The following FARP2 variants were observed in gnomAD, a reference collection of about 807,000 sequenced individuals.
FARP2 encodes FERM, ARH/RhoGEF and pleckstrin domain protein 2, also known as FERM, ARHGEF and pleckstrin domain-containing protein 2.
In FARP2, 111 loss-of-function variants were observed where a neutral mutation model predicts 130.5. That is an observed-to-expected ratio of 0.85 (90% CI 0.73 to 1.00). The LOEUF (loss-of-function observed/expected upper bound fraction) is 1.00. Among genes scored for constraint, FARP2 ranks in the 50% least tolerant of loss-of-function variants. The pLI, the probability that FARP2 is intolerant of heterozygous loss-of-function variation, is 0.00. For missense variants in FARP2, 1,385 were observed against 1,346.3 expected (o/e 1.03, Z -0.45); for synonymous variants, 504 against 516.9 (o/e 0.98, Z 0.34).
At chr2:241,369,523 G>A (rs375005181) in intron 1 of FARP2, among the ~76,000 whole-genome samples, 1 of 151,848 alleles carries the variant, frequency 6.6e-6, no homozygotes, top group African/African-American at 2.4e-5. Context: ...AGGGAGTACA[G>A]GTTAGTCTTG....
chr2:241,391,335 A>G (rs1307474355), intron 2 of FARP2, among the ~76,000 whole-genome samples: 2 of 152,146 alleles, frequency 1.3e-5, no homozygotes, highest in Non-Finnish European at 2.9e-5. Flanking sequence ...ACTGTCTGCA[A>G]ATGTGCTGGG....
chr2:241,378,363 C>G (rs531825242), intron 2 of FARP2, among the ~76,000 whole-genome samples: 11 of 151,706 alleles, frequency 7.3e-5, no homozygotes, highest in South Asian at 6.2e-4. Context: ...CGCCTCCCCC[C>G]CTCGGCCTCC....
intron 5 of FARP2, among the ~76,000 whole-genome samples, chr2:241,409,211 G>C (rs1002548065): frequency 6.6e-6 from 1 of 152,004 alleles, no homozygotes; most frequent in African/African-American, 2.4e-5. Context: ...TCTTTTTTCT[G>C]TTTATAAAAA....
chr2:241,365,537 A>C (rs2061284563), intron 1 of FARP2, among the ~76,000 whole-genome samples: 1 of 152,234 alleles, frequency 6.6e-6, no homozygotes, highest in South Asian at 2.1e-4. Flanking sequence ...ATTTGATAAC[A>C]TCATACCTTA....
rs190616171 is a variant in FARP2 at position 241,378,953 on chromosome 2, C to T, written c.183+5663C>T. 3.3e-5 allele frequency among the ~76,000 whole-genome samples: 5 copies of T among 152,292 alleles called. No individual in the cohort carries two copies. The East Asian group carries it at 9.6e-4, about 29-fold the overall frequency. On this transcript the variant is annotated intron_variant, in intron 2 of 26. Coordinates refer to ENST00000264042, the MANE Select transcript of FARP2 (RefSeq NM_014808.4). ...TTTGAACATAGAAATCTGGCCTCAG[C>T]TCTAAAGAATCTTGTTTTTGAGCCA...
Position 241,462,535 on chromosome 2 carries a change from G to A in FARP2, c.1600G>A (p.Asp534Asn), listed in dbSNP as rs1412629904. 6.2e-7 allele frequency: 1 copy of A among 1,613,638 alleles called. No individual in the cohort carries two copies. Among genetic ancestry groups the A allele is most frequent in the Admixed American group, 1.7e-5 (1 of 60,008 alleles). The change falls in exon 15 of 27, where the codon GAC (aspartate) becomes AAC (asparagine). Residue 534 changes from aspartate (D) to asparagine (N), a missense_variant. Physicochemically the swap from Asp to Asn is conservative, Grantham distance 23. Coordinates refer to ENST00000264042, the MANE Select transcript of FARP2 (RefSeq NM_014808.4). The part of the protein sequence containing the change: ...EEPRHKRVPA[D>N]EAYFIVKEIL... ...CTGCTTCTTTCAGCGCGTGCCTGCA[G>A]ACGAGGCCTACTTCATAGTCAAAGA... is the stretch of plus-strand genomic sequence containing the variant.
intron 11 of FARP2, 96 bp downstream of exon 11, chr2:241,435,126 C>T (rs180848611): frequency 3.0e-6 from 2 of 668,746 alleles, no homozygotes; most frequent in Admixed American, 3.3e-5. Context: ...CTGAGTCTTG[C>T]TCCGTCACCT....
In FARP2 at chr2:241,489,498, G is replaced by A. The variant is rs79911036; in HGVS notation, c.2422-464G>A. On this transcript the variant is annotated intron_variant, in intron 21 of 26. Transcript: ENST00000264042. ...CCCCAAACAACCTTACTTGATCGTG[G>A]GACAATTCCTTGTTACATGCTTTTA... is the stretch of plus-strand genomic sequence containing the variant. 1,767 of 153,748 alleles carry A rather than the reference G, an allele frequency of 0.011. 124 individuals carry two copies. The East Asian group carries it at 0.17, about 14-fold the overall frequency. 9.5% of individuals were successfully genotyped at this position (153,748 alleles called of 1,614,324 possible).
At chr2:241,422,421 C>T (rs1182945161) in intron 8 of FARP2, among the ~76,000 whole-genome samples, 1 of 149,926 alleles carries the variant, frequency 6.7e-6, no homozygotes, top group African/African-American at 2.4e-5. Flanking sequence ...AAACAGAAAA[C>T]AACAACAACA....
chr2:241,436,360 C>A (rs2063229995), intron 11 of FARP2, 121 bp from the exon 12 acceptor site: 2 of 802,092 alleles, frequency 2.5e-6, no homozygotes, highest in African/African-American at 1.7e-5. Flanking sequence ...AAGTTAGATA[C>A]CTCTTAGCTA....
chr2:241,465,544 G>A lies in FARP2; in HGVS notation c.1893+1564G>A, dbSNP rs891845030. 2.3e-5 allele frequency: 36 copies of A among 1,550,502 alleles called. No homozygotes were observed. In the African/African-American group the frequency reaches 4.4e-4, roughly 19 times the overall value. ...ATAGGCAGGGGCAGCACTGGGGGAA[G>A]TGAGATTTCTCTTCAATAGGAGCAA... On this transcript the variant is annotated intron_variant, in intron 17 of 26. Transcript: ENST00000264042.
chr2:241,428,234 C>CTTTTTTT (rs11397989), intron 8 of FARP2, among the ~76,000 whole-genome samples: 3 of 124,970 alleles, frequency 2.4e-5, no homozygotes, highest in Non-Finnish European at 3.2e-5. Context: ...CAATATTTTA[C>CTTTTTTT]TTTTTTTTTT....
chr2:241,370,556 GA>G (rs377478005), intron 1 of FARP2, among the ~76,000 whole-genome samples: 14 of 151,400 alleles, frequency 9.2e-5, no homozygotes, highest in African/African-American at 3.2e-4. Flanking sequence ...TAAAAAATAA[GA>G]AAAAAAATCA....
At chr2:241,485,284 T>A (rs2064723873) in intron 21 of FARP2, among the ~76,000 whole-genome samples, 2 of 151,254 alleles carry the variant, frequency 1.3e-5, no homozygotes, top group African/African-American at 4.9e-5. Flanking sequence ...CTTCCCTCCC[T>A]AGAGTCCTCC....
intron 22 of FARP2, 89 bp downstream of exon 22, chr2:241,490,133 T>C: frequency 1.1e-6 from 1 of 901,232 alleles, no homozygotes; most frequent in Non-Finnish European, 1.9e-6. Flanking sequence ...CTCTGAGCTG[T>C]GAGGAGCCAT....
intron 11 of FARP2, 51 bp from the exon 12 acceptor site, chr2:241,436,430 C>T (rs753098940): frequency 1.8e-5 from 27 of 1,530,488 alleles, no homozygotes; most frequent in Admixed American, 5.0e-5. Flanking sequence ...TAAAAACAGG[C>T]GCTGAGAAGG....
intron 1 of FARP2, among the ~76,000 whole-genome samples, chr2:241,366,127 A>ATATATATACGTGTATATATATACG (rs373040817): frequency 1.5e-5 from 2 of 136,482 alleles, no homozygotes; most frequent in African/African-American, 2.8e-5. Context: ...ATATACGTAT[A>ATATATATACGTGTATATATATACG]TATATATATA....
At chr2:241,410,658 G>A (rs1411588484) in intron 5 of FARP2, among the ~76,000 whole-genome samples, 1 of 152,120 alleles carries the variant, frequency 6.6e-6, no homozygotes, top group Non-Finnish European at 1.5e-5. Context: ...TCGAACTCCT[G>A]ACCTCAGGTG....
intron 9 of FARP2, 78 bp downstream of exon 9, chr2:241,431,852 C>T (rs2063100251): frequency 4.7e-6 from 2 of 421,296 alleles, no homozygotes; most frequent in Non-Finnish European, 7.2e-6. Context: ...CGGAGTTTCG[C>T]TCTTGTTGCC....
Sources: allele counts gnomAD v4.1 joint callset (sites outside exome capture counted in the v4.1 genomes callset), GRCh38; gene constraint gnomAD v4.1.1; transcripts MANE v1.5; gene names NCBI Gene and HGNC (gene_info 2026-07-23, HGNC 2026-07-21).